Variants in RHOT1 observed in about 807,000 individuals in gnomAD.
RHOT1 encodes the protein mitochondrial Rho GTPase 1.
In RHOT1, 27 loss-of-function variants were observed where a neutral mutation model predicts 95.3. The ratio of observed to expected loss-of-function variants is 0.28; its 90% CI spans 0.21 to 0.39. The LOEUF (loss-of-function observed/expected upper bound fraction) is 0.39. RHOT1 is among the 10% of genes least tolerant of loss of function. RHOT1 has a pLI of 1.00. For missense variants in RHOT1, 578 were observed against 786.7 expected (o/e 0.73, Z 3.17); for synonymous variants, 227 against 263.5 (o/e 0.86, Z 1.34).
chr17:32,152,003 A>G (rs1390004058), intron 1 of RHOT1, among the ~76,000 whole-genome samples: 1 of 151,704 alleles, frequency 6.6e-6, no homozygotes. Flanking sequence ...GGTATTTTTT[A>G]TAATGTAGTG....
intron 16 of RHOT1, among the ~76,000 whole-genome samples, chr17:32,206,160 T>C (rs1254808142): frequency 6.6e-6 from 1 of 151,128 alleles, no homozygotes; most frequent in Non-Finnish European, 1.5e-5. Flanking sequence ...CCCCACACAT[T>C]AGTCACTCAC....
At chr17:32,194,549 G>A (rs1258633715) in intron 11 of RHOT1, among the ~76,000 whole-genome samples, 1 of 152,154 alleles carries the variant, frequency 6.6e-6, no homozygotes, top group Non-Finnish European at 1.5e-5. Context: ...ACCCTCTGAA[G>A]TGAAATTATC....
At chr17:32,194,739 C>G (rs923029378) in intron 11 of RHOT1, among the ~76,000 whole-genome samples, 2 of 151,604 alleles carry the variant, frequency 1.3e-5, no homozygotes, top group African/African-American at 2.4e-5. Context: ...TTACATTGTT[C>G]TTCTCCCTCA....
At chr17:32,149,629 A>ATGTGTGTGTGTGTGTG (rs1204046813) in intron 1 of RHOT1, among the ~76,000 whole-genome samples, 75 of 87,384 alleles carry the variant, frequency 8.6e-4, no homozygotes, top group Non-Finnish European at 1.2e-3. Context: ...ATATATATAT[A>ATGTGTGTGTGTGTGTG]TATATATGTG....
intron 6 of RHOT1, among the ~76,000 whole-genome samples, chr17:32,178,782 A>C (rs576832176): frequency 3.1e-3 from 256 of 82,290 alleles, no homozygotes; most frequent in South Asian, 0.013. Flanking sequence ...AAGTGAGGAG[A>C]GCCTCTGCCC....
At chr17:32,179,310 G>A (rs903840817) in intron 6 of RHOT1, 3 of 142,810 alleles carry the variant, frequency 2.1e-5, no homozygotes, top group Middle Eastern at 4.2e-3. Flanking sequence ...CGTCTGGGAT[G>A]TGAGGAGCGC....
At chr17:32,186,218 A>G (rs2036038636) in intron 8 of RHOT1, among the ~76,000 whole-genome samples, 1 of 151,984 alleles carries the variant, frequency 6.6e-6, no homozygotes, top group South Asian at 2.1e-4. Context: ...TTTTTGGTTT[A>G]TTATAGCCAT....
At chr17:32,193,815 A>G (rs1384851200) in intron 10 of RHOT1, among the ~76,000 whole-genome samples, 172 bp from the exon 11 acceptor site, 2 of 152,192 alleles carry the variant, frequency 1.3e-5, no homozygotes, top group Admixed American at 1.3e-4. Context: ...ATGTGAAACA[A>G]TTCTGAAATC....
chr17:32,206,945 A>T lies in RHOT1; in HGVS notation c.1452A>T (p.Glu484Asp). Residue 484 changes from glutamate to aspartate, a missense_variant, in exon 17 of 20, where the codon GAA becomes GAT. Glu to Asp is a conservative substitution (Grantham distance 45). This residue lies in a region of RHOT1 where 296 missense variants were observed against 338.5 expected (regional missense o/e 0.87). Coordinates refer to ENST00000545287, the MANE Select transcript of RHOT1 (RefSeq NM_001033566.3). Reference protein sequence around the residue: ...HDISESEFLTEAEIICDVVCL... With the variant: ...HDISESEFLTDAEIICDVVCL... ...TCTCAGAATCGGAATTTCTAACTGAAGCTGAAATCATTTGTGATGTTGTAT... is the reference window on the plus strand; with the variant it reads ...TCTCAGAATCGGAATTTCTAACTGATGCTGAAATCATTTGTGATGTTGTAT... 6.2e-7 allele frequency: 1 copy of T among 1,605,184 alleles called. No homozygotes were observed. Among genetic ancestry groups the T allele is most frequent in the South Asian group, 1.1e-5 (1 of 90,436 alleles).
chr17:32,150,763 A>G, intron 1 of RHOT1: 1 of 1,592,756 alleles, frequency 6.3e-7, no homozygotes, highest in Admixed American at 1.7e-5. Context: ...AGTATCTTGC[A>G]TTTGGAAGTC....
chr17:32,196,437 CCG>C (rs1207687809), intron 11 of RHOT1, among the ~76,000 whole-genome samples: 1 of 152,056 alleles, frequency 6.6e-6, no homozygotes, highest in East Asian at 1.9e-4. Flanking sequence ...AGAAATCCTC[CCG>C]CGTTGACCTC....
At chr17:32,186,524 C>T (rs1336700111) in intron 8 of RHOT1, among the ~76,000 whole-genome samples, 8 of 152,062 alleles carry the variant, frequency 5.3e-5, no homozygotes, top group Admixed American at 3.9e-4. Flanking sequence ...CCACCACGCC[C>T]GGCTAATTTT....
intron 18 of RHOT1, chr17:32,209,646 C>T (rs2037991028): frequency 2.3e-6 from 1 of 435,478 alleles, no homozygotes; most frequent in Non-Finnish European, 4.2e-6. Context: ...ATTACAGTAA[C>T]TGCAAGTGTG....
Position 32,156,463 on chromosome 17 carries a change from G to T in RHOT1, c.37+13734G>T, listed in dbSNP as rs529302092. 3.3e-5 allele frequency among the ~76,000 whole-genome samples: 5 copies of T among 152,228 alleles called. No individual in the cohort carries two copies. In the South Asian group the frequency reaches 1.0e-3, roughly 32 times the overall value. On this transcript the variant is annotated intron_variant, in intron 1 of 19. Transcript: ENST00000545287. ...TAAAATTATTTTTGGTAGAGGCGGG[G>T]TCTCACTGTGTTGCCCAGGCTCGTT...
At chr17:32,189,036 A>G (rs888698473) in intron 8 of RHOT1, among the ~76,000 whole-genome samples, 1 of 152,214 alleles carries the variant, frequency 6.6e-6, no homozygotes, top group Non-Finnish European at 1.5e-5. Context: ...AAAGTGGTTC[A>G]CGCATGTAAT....
intron 19 of RHOT1, among the ~76,000 whole-genome samples, chr17:32,215,344 T>G (rs2038403405): frequency 6.6e-6 from 1 of 152,292 alleles, no homozygotes; most frequent in East Asian, 1.9e-4. Context: ...ATGATACATG[T>G]TTGAGACCAC....
At chr17:32,180,716 AAGAG>A (rs1454031697) in intron 6 of RHOT1, among the ~76,000 whole-genome samples, 2 of 147,922 alleles carry the variant, frequency 1.4e-5, no homozygotes, top group East Asian at 1.9e-4. Flanking sequence ...AAAAAAAAAA[AAGAG>A]GGCAGTTTTG....
At chr17:32,183,046 G>T in intron 7 of RHOT1, 125 bp from the exon 8 acceptor site, 1 of 779,332 alleles carries the variant, frequency 1.3e-6, no homozygotes, top group Non-Finnish European at 2.0e-6. Context: ...TTCATGTTGT[G>T]ATGTCCACAA....
At chr17:32,207,094 G>A in intron 17 of RHOT1, 65 bp downstream of exon 17, 1 of 1,482,888 alleles carries the variant, frequency 6.7e-7, no homozygotes, top group Non-Finnish European at 9.1e-7. Flanking sequence ...GAATTGCAGT[G>A]TGGTGTTTCC....
Sources: gnomAD v4.1 joint callset for allele counts (sites outside exome capture counted in the v4.1 genomes callset) on GRCh38, gnomAD v4.1.1 for gene constraint, gnomAD v4.1.1 regional missense constraint, MANE v1.5 for transcripts, NCBI Gene and HGNC (gene_info 2026-07-23, HGNC 2026-07-21) for gene names.